MAP3K4: variants seen among roughly 807,000 people sequenced by gnomAD.
MAP3K4 encodes the protein mitogen-activated protein kinase kinase kinase 4.
A neutral mutation model predicts 185.6 loss-of-function variants in MAP3K4; 67 were observed. That is an observed-to-expected ratio of 0.36 (90% confidence interval 0.30 to 0.44). The LOEUF (loss-of-function observed/expected upper bound fraction) is 0.44, where lower values mean the gene tolerates loss of function less well. MAP3K4 is among the 20% of genes least tolerant of loss of function. The probability of loss-of-function intolerance (pLI) is 1.00; values close to 1 mark genes in which losing one functional copy is unlikely to be tolerated. For synonymous variants in MAP3K4, 702 were observed against 710.4 expected, an observed-to-expected ratio of 0.99 and a Z score of 0.19; for missense variants, 1,551 against 1,995.1, an observed-to-expected ratio of 0.78 and a Z score of 4.24.
chr6:161,106,673 T>G lies in MAP3K4; in HGVS notation c.4016T>G (p.Val1339Gly). The stretch of plus-strand genomic sequence containing the variant: ...GTTATGCACGTTGGCTTGAGGAAGG[T>G]GACCTTCAAATGGCAAAGAGGAAAC... ...DNVMHVGLRK[V>G]TFKWQRGNKI... The change falls in exon 20 of 27, where the codon GTG (valine) becomes GGG (glycine). Residue 1339 changes from valine (V) to glycine (G), a missense_variant. Val to Gly is a moderately radical substitution (Grantham distance 109). Transcript: ENST00000392142. The surrounding 1 kb of genome is among the most constrained non-coding windows in gnomAD (Gnocchi z 4.9). 1 of 1,611,672 alleles carries G rather than the reference T, an allele frequency of 6.2e-7. No individual in the cohort carries two copies. The highest frequency in any genetic ancestry group is 8.5e-7 in the Non-Finnish European group (1 of 1,178,990).
chr6:161,104,548 C>G (rs1259767043), intron 19 of MAP3K4, among the ~76,000 whole-genome samples: 5 of 151,734 alleles, frequency 3.3e-5, no homozygotes, highest in Admixed American at 2.0e-4. Flanking sequence ...CCTGTCTTTA[C>G]TGAGAATACA....
At chr6:160,999,732 C>T (rs1440088741) in intron 1 of MAP3K4, among the ~76,000 whole-genome samples, 3 of 152,194 alleles carry the variant, frequency 2.0e-5, no homozygotes, top group Admixed American at 6.5e-5. Context: ...CCAAGGTGTT[C>T]TCCAGCCACC....
rs1174280021 is a variant in MAP3K4, at chr6:161,117,086, T to C, written c.*216T>C. ...TGGCCACGAGGTTAAAGAAGCTGCA[T>C]GTTAAGTGCCATTACTACTGTACAC... On this transcript the variant is annotated 3_prime_UTR_variant, in exon 27 of 27. Coordinates refer to ENST00000392142, the MANE Select transcript of MAP3K4 (RefSeq NM_005922.4). 1.0e-5 allele frequency: 6 copies of C among 592,648 alleles called. No individual in the cohort carries two copies. Among genetic ancestry groups the C allele is most frequent in the South Asian group, 6.2e-5 (3 of 48,066 alleles). The allele number at this position is 592,648 out of a possible 1,614,324, so 36.7% of individuals were successfully genotyped here.
chr6:161,016,624 C>A (rs1782126561), intron 1 of MAP3K4, among the ~76,000 whole-genome samples: 1 of 152,186 alleles, frequency 6.6e-6, no homozygotes, highest in Non-Finnish European at 1.5e-5. Flanking sequence ...ATTTTTGGCA[C>A]CCCAGTTGAA....
chr6:161,092,908 T>C (rs1777390624), intron 13 of MAP3K4, 70 bp from the exon 14 acceptor site: 8 of 890,224 alleles, frequency 9.0e-6, no homozygotes, highest in Non-Finnish European at 1.3e-5. Context: ...CTTTTCAGTA[T>C]TGTACAGTCT....
At chr6:161,031,231 G>A (rs905374437) in intron 1 of MAP3K4, among the ~76,000 whole-genome samples, 1 of 152,138 alleles carries the variant, frequency 6.6e-6, no homozygotes, top group Non-Finnish European at 1.5e-5. Flanking sequence ...GAAAACAAGG[G>A]ACTGTTAGCT....
rs1243118599 is a variant in MAP3K4, at chr6:161,070,993, A to G, written c.1950+143A>G. 10 of 800,252 alleles carry G rather than the reference A, an allele frequency of 1.2e-5. No individual in the cohort carries two copies. Among genetic ancestry groups the G allele is most frequent in the Non-Finnish European group, 1.7e-5 (9 of 537,604 alleles). 49.6% of individuals were successfully genotyped at this position (800,252 alleles called of 1,614,324 possible). A position where few individuals can be genotyped will look rare whatever the true frequency, so the allele number is the denominator to read the frequency against. ...CTGTTTGTCCATGGTTTTAAGCTGT[A>G]TATTTTAGGGTAATTAAAAATGTTC... On this transcript the variant is annotated intron_variant, in intron 4 of 26. Coordinates refer to ENST00000392142, the MANE Select transcript of MAP3K4 (RefSeq NM_005922.4). The surrounding 1 kb of genome is among the most constrained non-coding windows in gnomAD (Gnocchi z 4.5).
Position 161,109,769 on chromosome 6 carries a change from C to A in MAP3K4, c.4251C>A (p.Ile1417=), listed in dbSNP as rs1310511889. The change falls in exon 23 of 27, where the codon ATC becomes ATA. Residue 1417 remains isoleucine, a synonymous_variant. Transcript: ENST00000392142. This position sits in a 1 kb window ranked among gnomAD's most constrained non-coding sequence, Gnocchi z 5.7. ...TCCTCCCACAGGAAGAAATGTACAT[C>A]TTCATGGAGTACTGCGATGAGGGGA... ...GVELHREEMY[I]FMEYCDEGTL... is the part of the protein sequence containing the mutation. 1 of 1,614,176 alleles carries A rather than the reference C, an allele frequency of 6.2e-7. No individual in the cohort carries two copies. Among genetic ancestry groups the A allele is most frequent in the Non-Finnish European group, 8.5e-7 (1 of 1,180,020 alleles).
At chr6:161,036,081 A>C (rs1005156695) in intron 2 of MAP3K4, among the ~76,000 whole-genome samples, 6 of 152,240 alleles carry the variant, frequency 3.9e-5, no homozygotes, top group African/African-American at 1.4e-4. Context: ...TTCACTAATC[A>C]GTGAGACAGC....
In MAP3K4 at chr6:161,010,248, G is replaced by A. The variant is rs148545013; in HGVS notation, c.152+18165G>A. Reference sequence around the variant, plus strand: ...ATGCACCACATGAGATGCCCAGGATGTTTGGTAAATAAATCAGTAACTTTC... The same window carrying A: ...ATGCACCACATGAGATGCCCAGGATATTTGGTAAATAAATCAGTAACTTTC... On this transcript the variant is annotated intron_variant, in intron 1 of 26. Transcript: ENST00000392142. 3.8e-3 allele frequency among the ~76,000 whole-genome samples: 580 copies of A among 152,286 alleles called. 7 individuals carry two copies. The highest frequency in any genetic ancestry group is 0.013 in the African/African-American group (541 of 41,556).
intron 19 of MAP3K4, among the ~76,000 whole-genome samples, chr6:161,105,634 G>A (rs2114905800): frequency 6.6e-6 from 1 of 152,254 alleles, no homozygotes. Context: ...AGATACTCAG[G>A]TATGAAGAAG....
In MAP3K4 at chr6:161,096,997, C is replaced by G. The variant is rs1337659515; in HGVS notation, c.3428-83C>G. ...GTCATTGGCCAGAATAAGTGACATT[C>G]TATTTTCCATTTGACTGTTTGGTTT... On this transcript the variant is annotated intron_variant, in intron 15 of 26. Coordinates refer to ENST00000392142, the MANE Select transcript of MAP3K4 (RefSeq NM_005922.4). This position sits in a 1 kb window ranked among gnomAD's most constrained non-coding sequence, Gnocchi z 4.9. 2.7e-6 allele frequency: 3 copies of G among 1,127,036 alleles called. No individual in the cohort carries two copies. Among genetic ancestry groups the G allele is most frequent in the Non-Finnish European group, 4.0e-6 (3 of 741,756 alleles). The allele number at this position is 1,127,036 out of a possible 1,614,324, so 69.8% of individuals were successfully genotyped here.
chr6:161,035,818 A>G (rs1183510647), intron 2 of MAP3K4, among the ~76,000 whole-genome samples: 1 of 152,258 alleles, frequency 6.6e-6, no homozygotes, highest in Admixed American at 6.5e-5. Flanking sequence ...AGATGCCGGT[A>G]GTACACTTGC....
chr6:161,108,153 C>G lies in MAP3K4; in HGVS notation c.4119+184C>G, dbSNP rs573512391. The stretch of plus-strand genomic sequence containing the variant: ...CACACACAGACAGTGAAGGGGCTTA[C>G]GATTCCAGAGAGGATAATAAGTCAC... On this transcript the variant is annotated intron_variant, in intron 21 of 26. Transcript: ENST00000392142. The surrounding 1 kb of genome is among the most constrained non-coding windows in gnomAD (Gnocchi z 5.7). Among the ~76,000 whole-genome samples, 7 of 152,190 alleles carry G rather than the reference C, an allele frequency of 4.6e-5. No homozygotes were observed. The highest frequency in any genetic ancestry group is 7.2e-5 in the African/African-American group (3 of 41,436).
rs1464772391 is a variant in MAP3K4 at position 161,093,919 on chromosome 6, T to TG, written c.3427+69dup. The TG allele has an allele frequency of 1.4e-5, 17 of 1,188,012 alleles. No individual in the cohort carries two copies. The African/African-American group carries it at 2.4e-4, about 17-fold the overall frequency. The allele number at this position is 1,188,012 out of a possible 1,614,324, so 73.6% of individuals were successfully genotyped here. ...TTGAGTGGACAGATCCTCTTGTAAT[T>TG]GCAGTCGTTTAAAATGGTATAAGAG... On this transcript the variant is annotated intron_variant, in intron 15 of 26. Coordinates refer to ENST00000392142, the MANE Select transcript of MAP3K4 (RefSeq NM_005922.4). The surrounding 1 kb of genome is among the most constrained non-coding windows in gnomAD (Gnocchi z 5.2).
At chr6:161,012,249 T>C (rs1781883689) in intron 1 of MAP3K4, among the ~76,000 whole-genome samples, 1 of 152,230 alleles carries the variant, frequency 6.6e-6, no homozygotes, top group Non-Finnish European at 1.5e-5. Context: ...GAACATTCTG[T>C]GTTCTTTCTC....
rs1282935446 is a variant in MAP3K4, at chr6:161,054,335, A to G, written c.1707+4356A>G. On this transcript the variant is annotated intron_variant, in intron 3 of 26. Transcript: ENST00000392142. This position sits in a 1 kb window ranked among gnomAD's most constrained non-coding sequence, Gnocchi z 4.2. ...ATGCCTGGCTAATTTTTGTATTTTT[A>G]GTAGAGATGGTGTTTCACCATGTTG... 6.6e-6 allele frequency among the ~76,000 whole-genome samples: 1 copy of G among 152,012 alleles called. No homozygotes were observed. Among genetic ancestry groups the G allele is most frequent in the Non-Finnish European group, 1.5e-5 (1 of 68,008 alleles).
chr6:161,028,434 A>G (rs1373118634), intron 1 of MAP3K4, among the ~76,000 whole-genome samples: 1 of 152,242 alleles, frequency 6.6e-6, no homozygotes, highest in Non-Finnish European at 1.5e-5. Context: ...TATTTTAAAA[A>G]TAGTGAAATG....
rs1583258011 is a variant in MAP3K4, at chr6:161,117,212, TCAGGCGTCCCATAC to T, written c.*344_*357del. The T allele has an allele frequency of 4.4e-5, 12 of 270,830 alleles. No homozygotes were observed. The East Asian group carries it at 8.5e-4, about 19-fold the overall frequency. The allele number at this position is 270,830 out of a possible 1,614,324, so 16.8% of individuals were successfully genotyped here. Reference sequence around the variant, plus strand: ...AGGTTCAAAAGAAGTTGTAGTGTTATCAGGCGTCCCATACCTTGTTTTTAATCTCCTGTTTGTTG... The same window carrying T: ...AGGTTCAAAAGAAGTTGTAGTGTTATCTTGTTTTTAATCTCCTGTTTGTTG... On this transcript the variant is annotated 3_prime_UTR_variant, in exon 27 of 27. Transcript: ENST00000392142.
Sources: allele counts gnomAD v4.1 joint callset (sites outside exome capture counted in the v4.1 genomes callset), GRCh38; gene constraint gnomAD v4.1.1; non-coding constraint Gnocchi (gnomAD v3.1); transcripts MANE v1.5; gene names NCBI Gene and HGNC (gene_info 2026-07-23, HGNC 2026-07-21).